Variants in GRIN2A observed in about 807,000 individuals in gnomAD.
The protein encoded by GRIN2A is glutamate ionotropic receptor NMDA type subunit 2A.
In GRIN2A, 22 loss-of-function variants were observed where a neutral mutation model predicts 113.4. The ratio of observed to expected loss-of-function variants is 0.19; its 90% CI spans 0.14 to 0.28. The LOEUF (loss-of-function observed/expected upper bound fraction) is 0.28. Ranked by LOEUF, GRIN2A falls within the 10% of genes least tolerant of loss-of-function variation. The probability of loss-of-function intolerance (pLI) is 1.00; values close to 1 mark genes in which losing one functional copy is unlikely to be tolerated. For missense variants in GRIN2A, 1,502 were observed against 1,887.0 expected (o/e 0.80, Z 3.78); for synonymous variants, 827 against 738.4 (o/e 1.12, Z -1.94).
In GRIN2A at chr16:9,988,081, C is replaced by A. The variant is rs114187579; in HGVS notation, c.415-49530G>T. On this transcript the variant is annotated intron_variant, in intron 2 of 12. Coordinates refer to ENST00000330684, the MANE Select transcript of GRIN2A (RefSeq NM_001134407.3). ...ACCCTGGTTTTTCTGCCTCCAAAGC[C>A]CATATGGCTTCCACAACACCAACCT... 8.8e-3 allele frequency among the ~76,000 whole-genome samples: 1,332 copies of A among 152,176 alleles called. 21 individuals are homozygous for A. The highest frequency in any genetic ancestry group is 0.029 in the African/African-American group (1,197 of 41,510).
At position 10,160,921 on chromosome 16, in the gene GRIN2A, G is replaced by A. The variant is rs188546449; in HGVS notation, c.414+19077C>T. Among the ~76,000 whole-genome samples, 28 of 152,280 alleles carry A rather than the reference G, an allele frequency of 1.8e-4. 1 individual carries two copies. In the East Asian group the frequency reaches 3.9e-3, roughly 21 times the overall value. The stretch of plus-strand genomic sequence containing the variant: ...TCGTGGAGCCAGGTTTTGGGGTTTC[G>A]GGTTTCAAAGTGCATACCACCCCAG... On this transcript the variant is annotated intron_variant, in intron 2 of 12. Coordinates refer to ENST00000330684, the MANE Select transcript of GRIN2A (RefSeq NM_001134407.3).
intron 2 of GRIN2A, among the ~76,000 whole-genome samples, chr16:10,125,061 G>T (rs770899930): frequency 5.9e-5 from 9 of 152,130 alleles, no homozygotes; most frequent in Non-Finnish European, 1.3e-4. Context: ...ATCATGCAGG[G>T]TCTCTTCATA....
At chr16:10,021,598 G>T (rs1200089748) in intron 2 of GRIN2A, among the ~76,000 whole-genome samples, 2 of 152,136 alleles carry the variant, frequency 1.3e-5, no homozygotes, top group Non-Finnish European at 2.9e-5. Flanking sequence ...GGATTGACAG[G>T]AGCGGAAGCA....
rs2141120434 is a variant in GRIN2A, at chr16:9,761,127, C to G, written c.*2022G>C. 4.3e-6 allele frequency: 1 copy of G among 232,820 alleles called. No individual in the cohort carries two copies. The highest frequency in any genetic ancestry group is 1.8e-4 in the South Asian group (1 of 5,522). The allele number at this position is 232,820 out of a possible 1,614,324, so 14.4% of individuals were successfully genotyped here. A position where few individuals can be genotyped will look rare whatever the true frequency, so the allele number is the denominator to read the frequency against. On this transcript the variant is annotated 3_prime_UTR_variant, in exon 13 of 13. Transcript: ENST00000330684. ...CTCACCCACTGCCTCCCTCTGTCTC[C>G]CTATGATTGACCCTGAAATTTATTG...
intron 3 of GRIN2A, among the ~76,000 whole-genome samples, chr16:9,903,586 G>A (rs1403217651): frequency 1.3e-5 from 2 of 152,188 alleles, no homozygotes; most frequent in African/African-American, 4.8e-5. Context: ...TTTTTCTGCA[G>A]CTGTAATTCC....
intron 3 of GRIN2A, among the ~76,000 whole-genome samples, chr16:9,916,903 G>A (rs1413693817): frequency 6.6e-6 from 1 of 152,162 alleles, no homozygotes; most frequent in Non-Finnish European, 1.5e-5. Context: ...ACTGCTCCAT[G>A]GTGTCTCTTG....
In GRIN2A at chr16:9,763,715, G is replaced by A. The variant is rs760983091; in HGVS notation, c.3829C>T (p.Leu1277Phe). The change falls in exon 13 of 13, where the codon CTT becomes TTT. Residue 1277 changes from leucine to phenylalanine, a missense_variant. By Grantham distance (22) the Leu-to-Phe change is conservative. This residue lies in a region of GRIN2A where 832 missense variants were observed against 789.7 expected (regional missense o/e 1.05). Coordinates refer to ENST00000330684, the MANE Select transcript of GRIN2A (RefSeq NM_001134407.3). ...YQQDWAQNNA[L>F]QLQKNKLRIS... ...CTTAGCTTGTTCTTTTGTAATTGAA[G>A]GGCATTGTTCTGTGCCCAGTCCTGC... 14 of 1,613,950 alleles carry A rather than the reference G, an allele frequency of 8.7e-6. 1 individual carries two copies. The highest frequency in any genetic ancestry group is 5.5e-5 in the South Asian group (5 of 91,072).
At chr16:9,891,780 G>A (rs1169428129) in intron 3 of GRIN2A, among the ~76,000 whole-genome samples, 1 of 152,196 alleles carries the variant, frequency 6.6e-6, no homozygotes, top group Non-Finnish European at 1.5e-5. Context: ...GGCAACATGT[G>A]CAAAGACTCT....
chr16:10,181,464 G>T (rs1286038560), intron 1 of GRIN2A: 1 of 152,380 alleles, frequency 6.6e-6, no homozygotes, highest in Non-Finnish European at 1.5e-5. Flanking sequence ...ACGCTCATAG[G>T]CACGCGCGCT....
chr16:10,098,145 G>A (rs1330694806), intron 2 of GRIN2A, among the ~76,000 whole-genome samples: 2 of 152,044 alleles, frequency 1.3e-5, no homozygotes, highest in African/African-American at 4.8e-5. Context: ...AGTGGGCTAA[G>A]GGCATGAACA....
At chr16:9,835,438 A>G (rs1388411046) in intron 7 of GRIN2A, among the ~76,000 whole-genome samples, 2 of 152,186 alleles carry the variant, frequency 1.3e-5, no homozygotes, top group Admixed American at 1.3e-4. Context: ...TAAGATTACT[A>G]TTCAACTTGA....
intron 2 of GRIN2A, among the ~76,000 whole-genome samples, chr16:10,016,302 C>A (rs567935794): frequency 1.6e-4 from 24 of 152,220 alleles, no homozygotes; most frequent in African/African-American, 5.5e-4. Flanking sequence ...AGCCTGTGGA[C>A]TTCTCATGGT....
chr16:10,085,485 T>G (rs1227200590), intron 2 of GRIN2A, among the ~76,000 whole-genome samples: 2 of 152,172 alleles, frequency 1.3e-5, no homozygotes, highest in Non-Finnish European at 2.9e-5. Context: ...AAAAGGTGAA[T>G]TAGAGGACAT....
intron 2 of GRIN2A, among the ~76,000 whole-genome samples, chr16:10,066,629 C>A (rs2047654116): frequency 1.3e-5 from 2 of 152,172 alleles, no homozygotes; most frequent in African/African-American, 4.8e-5. Flanking sequence ...CACCCAGGAT[C>A]TATCACTCTG....
chr16:9,890,385 C>T (rs2043670041), intron 4 of GRIN2A, among the ~76,000 whole-genome samples: 1 of 152,164 alleles, frequency 6.6e-6, no homozygotes, highest in African/African-American at 2.4e-5. Flanking sequence ...CTCTCTGACC[C>T]AGGTCATGAC....
rs2048724581 is a variant in GRIN2A at position 10,116,151 on chromosome 16, G to A, written c.414+63847C>T. On this transcript the variant is annotated intron_variant, in intron 2 of 12. Coordinates refer to ENST00000330684, the MANE Select transcript of GRIN2A (RefSeq NM_001134407.3). ...ATACTATCCAGCCATAAAAAGGAAT[G>A]AGATCACGTCCTTTGCAGGGACATG... 4.6e-5 allele frequency among the ~76,000 whole-genome samples: 7 copies of A among 152,308 alleles called. No homozygotes were observed. The South Asian group carries it at 1.5e-3, about 32-fold the overall frequency.
chr16:9,790,495 T>C (rs1902541000), intron 11 of GRIN2A, among the ~76,000 whole-genome samples: 1 of 152,204 alleles, frequency 6.6e-6, no homozygotes, highest in Non-Finnish European at 1.5e-5. Flanking sequence ...ATATTGCACA[T>C]ATTAAATATG....
At chr16:10,005,658 G>C (rs1458341995) in intron 2 of GRIN2A, among the ~76,000 whole-genome samples, 1 of 152,190 alleles carries the variant, frequency 6.6e-6, no homozygotes, top group Non-Finnish European at 1.5e-5. Flanking sequence ...CAAATATCCA[G>C]AATTTCATGT....
rs765614514 is a variant in GRIN2A at position 9,763,908 on chromosome 16, C to A, written c.3636G>T (p.Thr1212=). 2 of 1,614,116 alleles carry A rather than the reference C, an allele frequency of 1.2e-6. No homozygotes were observed. Among genetic ancestry groups the A allele is most frequent in the African/African-American group, 2.7e-5 (2 of 75,040 alleles). ...ETSERYRQNS[T]HCRSCLSNMP... is the part of the protein sequence containing the mutation. ...TGTTGGAAAGGCAGCTTCTGCAGTGCGTGGAGTTCTGCCGGTATCGCTCGC... is the reference window on the plus strand; with the variant it reads ...TGTTGGAAAGGCAGCTTCTGCAGTGAGTGGAGTTCTGCCGGTATCGCTCGC... Residue 1212 remains threonine, a synonymous_variant, in exon 13 of 13, where the codon ACG becomes ACT. Transcript: ENST00000330684.
Sources: allele counts gnomAD v4.1 joint callset (sites outside exome capture counted in the v4.1 genomes callset), GRCh38; gene constraint gnomAD v4.1.1; regional missense constraint gnomAD v4.1.1; transcripts MANE v1.5; gene names NCBI Gene and HGNC (gene_info 2026-07-23, HGNC 2026-07-21).